SGCZ: variants seen among roughly 807,000 people sequenced by gnomAD.
The protein encoded by SGCZ is sarcoglycan zeta, also known as zeta-sarcoglycan.
SGCZ carries 40 observed loss-of-function variants against 41.3 expected under a neutral mutation model. The observed-to-expected ratio is 0.97, with a 90% CI of 0.75 to 1.26. The LOEUF (loss-of-function observed/expected upper bound fraction) is 1.26, where lower values mean the gene tolerates loss of function less well. Ranked by LOEUF, SGCZ falls within the 50% of genes most tolerant of loss-of-function variation. SGCZ has a pLI of 0.00. For missense variants in SGCZ, 552 were observed against 369.8 expected (o/e 1.49, Z -4.04); for synonymous variants, 206 against 137.5 (o/e 1.50, Z -3.49).
At chr8:14,188,573 G>A (rs771921253) in intron 4 of SGCZ, among the ~76,000 whole-genome samples, 6 of 152,056 alleles carry the variant, frequency 3.9e-5, no homozygotes, top group Admixed American at 1.3e-4. Flanking sequence ...AGAGCGAAAG[G>A]GTTCAGAGTT....
chr8:14,265,096 C>A (rs1000278619), intron 3 of SGCZ, among the ~76,000 whole-genome samples: 2 of 152,138 alleles, frequency 1.3e-5, no homozygotes, highest in East Asian at 1.9e-4. Flanking sequence ...GATACCGTGA[C>A]CTCACCAAAC....
At chr8:14,769,966 T>C (rs568854818) in intron 1 of SGCZ, among the ~76,000 whole-genome samples, 3 of 151,910 alleles carry the variant, frequency 2.0e-5, no homozygotes, top group East Asian at 3.9e-4. Flanking sequence ...GCCAGTACAG[T>C]ATAGGCATAT....
chr8:14,656,043 C>G (rs1031532126), intron 1 of SGCZ, among the ~76,000 whole-genome samples: 6 of 152,068 alleles, frequency 3.9e-5, no homozygotes, highest in African/African-American at 1.4e-4. Flanking sequence ...TGAGCTCTTA[C>G]AGATAAAGCT....
intron 4 of SGCZ, among the ~76,000 whole-genome samples, chr8:14,235,628 C>T (rs777311539): frequency 9.9e-5 from 15 of 152,206 alleles, no homozygotes; most frequent in East Asian, 7.7e-4. Context: ...GCTCTATAGG[C>T]GGGCATTAAG....
At chr8:15,125,977 C>A (rs905445476) in intron 1 of SGCZ, among the ~76,000 whole-genome samples, 1 of 152,116 alleles carries the variant, frequency 6.6e-6, no homozygotes, top group Non-Finnish European at 1.5e-5. Flanking sequence ...GAAACCCCGT[C>A]TCCACTAAAA....
At chr8:14,563,571 C>T (rs979311266) in intron 1 of SGCZ, among the ~76,000 whole-genome samples, 15 of 152,228 alleles carry the variant, frequency 9.9e-5, no homozygotes, top group Admixed American at 9.2e-4. Flanking sequence ...TAAATTATCC[C>T]ACCTAAATGT....
chr8:14,752,041 A>G (rs528948511), intron 1 of SGCZ, among the ~76,000 whole-genome samples: 43 of 151,784 alleles, frequency 2.8e-4, no homozygotes, highest in African/African-American at 9.9e-4. Flanking sequence ...AAGTGAAGAG[A>G]GAATTCAACC....
At chr8:14,952,764 T>C (rs1800679517) in intron 1 of SGCZ, among the ~76,000 whole-genome samples, 1 of 152,142 alleles carries the variant, frequency 6.6e-6, no homozygotes. Flanking sequence ...CCAAAGTATT[T>C]ATTGTTACCC....
At chr8:14,303,680 T>C (rs997650057) in intron 3 of SGCZ, among the ~76,000 whole-genome samples, 1 of 152,172 alleles carries the variant, frequency 6.6e-6, no homozygotes, top group Non-Finnish European at 1.5e-5. Flanking sequence ...TCTTGGTTTT[T>C]AGTGAAAATA....
chr8:14,182,521 G>C (rs1318909960), intron 4 of SGCZ, among the ~76,000 whole-genome samples: 2 of 152,138 alleles, frequency 1.3e-5, no homozygotes, highest in Non-Finnish European at 2.9e-5. Flanking sequence ...AGCTGGACTT[G>C]TCCAACTCAT....
intron 1 of SGCZ, among the ~76,000 whole-genome samples, chr8:15,191,426 C>T (rs1421976317): frequency 2.0e-5 from 3 of 151,976 alleles, no homozygotes; most frequent in South Asian, 2.1e-4. Flanking sequence ...GGGATTTATA[C>T]TGAACTATAA....
chr8:14,994,365 C>A (rs1330460719), intron 1 of SGCZ, among the ~76,000 whole-genome samples: 1 of 152,100 alleles, frequency 6.6e-6, no homozygotes, highest in Non-Finnish European at 1.5e-5. Flanking sequence ...GGGCAGATTG[C>A]CTGAGCTCAG....
intron 3 of SGCZ, among the ~76,000 whole-genome samples, chr8:14,286,594 A>G (rs1356724383): frequency 6.6e-6 from 1 of 152,138 alleles, no homozygotes; most frequent in Non-Finnish European, 1.5e-5. Flanking sequence ...TTAACTTATC[A>G]TGATCATTTT....
In SGCZ at chr8:15,084,645, G is replaced by A. The variant is rs139684422; in HGVS notation, c.39+152940C>T. 3.9e-5 allele frequency among the ~76,000 whole-genome samples: 6 copies of A among 152,198 alleles called. No individual in the cohort carries two copies. In the East Asian group the frequency reaches 7.8e-4, roughly 20 times the overall value. On this transcript the variant is annotated intron_variant, in intron 1 of 7. Transcript: ENST00000382080. ...TGCATGTCTGTAGTCCCAGCTACTCGGAAGGTTGAGGCAGGAGAATCACTT... is the reference window on the plus strand; with the variant it reads ...TGCATGTCTGTAGTCCCAGCTACTCAGAAGGTTGAGGCAGGAGAATCACTT...
chr8:14,991,288 CA>C (rs1802006218), intron 1 of SGCZ, among the ~76,000 whole-genome samples: 1 of 152,052 alleles, frequency 6.6e-6, no homozygotes, highest in African/African-American at 2.4e-5. Context: ...CTTTGCTAAT[CA>C]AAATATGATA....
chr8:14,672,183 A>T (rs1217948904), intron 1 of SGCZ, among the ~76,000 whole-genome samples: 1 of 152,188 alleles, frequency 6.6e-6, no homozygotes, highest in African/African-American at 2.4e-5. Flanking sequence ...AAACTATACC[A>T]CTCATCTGGC....
At chr8:14,570,428 A>C (rs1804515485) in intron 1 of SGCZ, among the ~76,000 whole-genome samples, 1 of 152,170 alleles carries the variant, frequency 6.6e-6, no homozygotes, top group Admixed American at 6.5e-5. Flanking sequence ...CACTAAGTAT[A>C]TTTGTTCTTT....
intron 1 of SGCZ, among the ~76,000 whole-genome samples, chr8:14,756,873 T>A (rs1321665197): frequency 2.0e-5 from 3 of 152,150 alleles, no homozygotes; most frequent in African/African-American, 7.2e-5. Flanking sequence ...GTAAAGAGTA[T>A]CACAGTGGTA....
At chr8:15,186,418 T>C (rs377758343) in intron 1 of SGCZ, among the ~76,000 whole-genome samples, 1 of 152,112 alleles carries the variant, frequency 6.6e-6, no homozygotes, top group African/African-American at 2.4e-5. Flanking sequence ...CTTCCACTCA[T>C]GATCTACTCA....
Sources: gnomAD v4.1 joint callset for allele counts (sites outside exome capture counted in the v4.1 genomes callset) on GRCh38, gnomAD v4.1.1 for gene constraint, MANE v1.5 for transcripts, NCBI Gene and HGNC (gene_info 2026-07-23, HGNC 2026-07-21) for gene names.